MAP3K1: variants seen among roughly 807,000 people sequenced by gnomAD.
MAP3K1 encodes mitogen-activated protein kinase kinase kinase 1.
In MAP3K1, 36 loss-of-function variants were observed where a neutral mutation model predicts 144.2. That is an observed-to-expected ratio of 0.25 (90% CI 0.19 to 0.33). The LOEUF is 0.33. Among genes scored for constraint, MAP3K1 ranks in the 10% least tolerant of loss-of-function variants. MAP3K1 has a pLI of 1.00. For missense variants in MAP3K1, 1,650 were observed against 1,881.9 expected, an observed-to-expected ratio of 0.88 and a Z score of 2.28; for synonymous variants, 718 against 688.7, an observed-to-expected ratio of 1.04 and a Z score of -0.67.
chr5:56,848,549 C>T (rs943310231), intron 1 of MAP3K1, among the ~76,000 whole-genome samples: 1 of 152,178 alleles, frequency 6.6e-6, no homozygotes, highest in African/African-American at 2.4e-5. Flanking sequence ...TTTACCCTTT[C>T]CTTGTCTAGT....
chr5:56,884,699 A>G lies in MAP3K1; in HGVS notation c.3855A>G (p.Glu1285=). The change falls in exon 16 of 20, where the codon GAA becomes GAG. Residue 1285 remains glutamate, a synonymous_variant. Transcript: ENST00000399503. The part of the protein sequence containing the change: ...TYVRNTSSEQ[E]EVVEALREEI... The stretch of plus-strand genomic sequence containing the variant: ...TCAGAAACACATCTTCTGAGCAAGA[A>G]GAAGTAGTAGAAGCACTAAGAGAAG... 6.2e-7 allele frequency: 1 copy of G among 1,613,872 alleles called. No homozygotes were observed. The highest frequency in any genetic ancestry group is 8.5e-7 in the Non-Finnish European group (1 of 1,179,870).
chr5:56,853,732 C>CA (rs1747248491), intron 1 of MAP3K1, among the ~76,000 whole-genome samples: 1 of 152,072 alleles, frequency 6.6e-6, no homozygotes, highest in Admixed American at 6.6e-5. Flanking sequence ...AAAAAGTAGA[C>CA]AGAGAAGGAA....
intron 1 of MAP3K1, among the ~76,000 whole-genome samples, chr5:56,833,575 C>T (rs1308652981): frequency 6.6e-6 from 1 of 152,290 alleles, no homozygotes; most frequent in Non-Finnish European, 1.5e-5. Context: ...GAGCTTCCTG[C>T]AGTACCTTAG....
chr5:56,878,364 T>A (rs915405457), intron 10 of MAP3K1, among the ~76,000 whole-genome samples: 2 of 152,118 alleles, frequency 1.3e-5, no homozygotes, highest in African/African-American at 4.8e-5. Context: ...GACGGGTCGA[T>A]GGATGCAGCA....
At chr5:56,836,547 T>TA (rs987418952) in intron 1 of MAP3K1, among the ~76,000 whole-genome samples, 3 of 152,226 alleles carry the variant, frequency 2.0e-5, no homozygotes, top group Non-Finnish European at 4.4e-5. Context: ...GAGATGTGAT[T>TA]AACGCTTTGG....
chr5:56,867,855 C>T (rs966380892), intron 6 of MAP3K1, among the ~76,000 whole-genome samples: 2 of 152,112 alleles, frequency 1.3e-5, no homozygotes, highest in African/African-American at 2.4e-5. Flanking sequence ...GTTTAAATAT[C>T]CAACAGCAAT....
chr5:56,845,360 A>G (rs1746956864), intron 1 of MAP3K1, among the ~76,000 whole-genome samples: 2 of 152,160 alleles, frequency 1.3e-5, no homozygotes, highest in Non-Finnish European at 2.9e-5. Context: ...CTGACTTGGG[A>G]TCTTTTTAAT....
intron 1 of MAP3K1, among the ~76,000 whole-genome samples, chr5:56,828,596 T>A (rs832560): frequency 0.75 from 113,859 of 152,044 alleles, 43,221 homozygotes; most frequent in Non-Finnish European, 0.82. Context: ...ATCTGTTTTT[T>A]AAAAAGCGTA....
intron 11 of MAP3K1, 71 bp from the exon 12 acceptor site, chr5:56,880,640 A>G (rs996883505): frequency 8.0e-6 from 8 of 1,002,154 alleles, no homozygotes; most frequent in Admixed American, 3.5e-5. Flanking sequence ...AAGGCATTAC[A>G]TTACTCCTCT....
intron 1 of MAP3K1, among the ~76,000 whole-genome samples, chr5:56,855,936 T>A (rs1433988200): frequency 6.6e-6 from 1 of 152,220 alleles, no homozygotes; most frequent in Non-Finnish European, 1.5e-5. Context: ...ATGCTTTGCC[T>A]GTTAGGCTTT....
rs1414162422 is a variant in MAP3K1 at position 56,872,818 on chromosome 5, A to G, written c.1506-7A>G. On this transcript the variant is annotated splice_polypyrimidine_tract_variant and splice_region_variant and intron_variant, in intron 8 of 19. Transcript: ENST00000399503. ...TTTAAAGCAAGTTTTGTTATTTTTC[A>G]TTTTAGCCACGAGTTGTCAAGTCCT... The G allele has an allele frequency of 1.2e-6, 2 of 1,613,882 alleles. No homozygotes were observed. Among genetic ancestry groups the G allele is most frequent in the East Asian group, 2.2e-5 (1 of 44,884 alleles).
chr5:56,818,937 C>G (rs1305418217), intron 1 of MAP3K1, among the ~76,000 whole-genome samples: 1 of 152,054 alleles, frequency 6.6e-6, no homozygotes, highest in South Asian at 2.1e-4. Flanking sequence ...ATTTAGTGAC[C>G]TTTTACTAAA....
Position 56,882,449 on chromosome 5 carries a change from T to G in MAP3K1, c.3249T>G (p.Leu1083=), listed in dbSNP as rs545678414. The G allele has an allele frequency of 2.4e-5, 39 of 1,614,158 alleles. 1 individual carries two copies. The South Asian group carries it at 3.8e-4, about 16-fold the overall frequency. The change falls in exon 14 of 20, where the codon CTT becomes CTG. Residue 1083 remains leucine (L), a synonymous_variant. Coordinates refer to ENST00000399503, the MANE Select transcript of MAP3K1 (RefSeq NM_005921.2). ...ATCCCTCAAAAAATAGCATGACACT[T>G]GATCTGAACAGTAGTTCCAAATGTG... is the stretch of plus-strand genomic sequence containing the variant. ...QGDPSKNSMT[L]DLNSSSKCDD... is the part of the protein sequence containing the mutation.
At chr5:56,866,431 ATGTC>A (rs1173432524) in intron 6 of MAP3K1, among the ~76,000 whole-genome samples, 2 of 151,564 alleles carry the variant, frequency 1.3e-5, no homozygotes, top group East Asian at 1.9e-4. Flanking sequence ...GTATGTATGT[ATGTC>A]TGTATGTATG....
At chr5:56,853,840 C>T (rs1561181085) in intron 1 of MAP3K1, among the ~76,000 whole-genome samples, 1 of 152,110 alleles carries the variant, frequency 6.6e-6, no homozygotes, top group Non-Finnish European at 1.5e-5. Context: ...TGAGGTGAGA[C>T]CACGAGGTGC....
chr5:56,843,172 T>G (rs1746869144), intron 1 of MAP3K1, among the ~76,000 whole-genome samples: 1 of 152,184 alleles, frequency 6.6e-6, no homozygotes, highest in South Asian at 2.1e-4. Flanking sequence ...ATAAGTACCT[T>G]TAACAGTCTC....
chr5:56,878,378 C>T (rs1292536686), intron 10 of MAP3K1, among the ~76,000 whole-genome samples: 1 of 152,022 alleles, frequency 6.6e-6, no homozygotes, highest in African/African-American at 2.4e-5. Flanking sequence ...TGCAGCAAAC[C>T]ACCATGGCAT....
intron 19 of MAP3K1, 122 bp downstream of exon 19, chr5:56,888,479 A>AT: frequency 1.2e-6 from 1 of 862,196 alleles, no homozygotes; most frequent in Non-Finnish European, 1.9e-6. Flanking sequence ...TAGTCTGTAT[A>AT]TTTATTCAGA....
At chr5:56,846,526 C>A (rs1747002477) in intron 1 of MAP3K1, among the ~76,000 whole-genome samples, 2 of 152,184 alleles carry the variant, frequency 1.3e-5, no homozygotes, top group Non-Finnish European at 2.9e-5. Flanking sequence ...CTAGAGTTTT[C>A]ATTTGCTACC....
Sources: gnomAD v4.1 joint callset for allele counts (sites outside exome capture counted in the v4.1 genomes callset) on GRCh38, gnomAD v4.1.1 for gene constraint, MANE v1.5 for transcripts, NCBI Gene and HGNC (gene_info 2026-07-23, HGNC 2026-07-21) for gene names.